The following HEPH variants were observed in gnomAD, a reference collection of about 807,000 sequenced individuals.
The protein encoded by HEPH is hephaestin.
A neutral mutation model predicts 80.8 loss-of-function variants in HEPH; 69 were observed. That is an observed-to-expected ratio of 0.85 (90% CI 0.70 to 1.04). The LOEUF (loss-of-function observed/expected upper bound fraction) is 1.04. Ranked by LOEUF, HEPH falls within the 50% of genes least tolerant of loss-of-function variation. HEPH has a pLI of 0.00. For missense variants in HEPH, 1,115 were observed against 891.3 expected (o/e 1.25, Z -3.20); for synonymous variants, 431 against 322.8 (o/e 1.34, Z -3.60).
chrX:66,260,152 A>C lies in HEPH; in HGVS notation c.3089A>C (p.Glu1030Ala), dbSNP rs374976135. The C allele has an allele frequency of 5.8e-6, 7 of 1,204,474 alleles. No individual in the cohort carries two copies. The Middle Eastern group carries it at 9.2e-4, about 159-fold the overall frequency. The change falls in exon 19 of 21, where the codon GAG becomes GCG. Residue 1030 changes from glutamate (E) to alanine (A), a missense_variant. This residue lies in a region of HEPH where 716 missense variants were observed against 523.5 expected (regional missense o/e 1.37). Transcript: ENST00000343002. Reference sequence around the variant, plus strand: ...GTGGATCTGTTCCCAGGGACTTTTGAGGTTGTGGAGATGGTGGCCAGCAAC... The same window carrying C: ...GTGGATCTGTTCCCAGGGACTTTTGCGGTTGTGGAGATGGTGGCCAGCAAC... ...DVVDLFPGTFEVVEMVASNPG... is the reference protein window; with the variant it reads ...DVVDLFPGTFAVVEMVASNPG...
At chrX:66,263,616 A>G (rs1334674000) in intron 19 of HEPH, 28 bp from the exon 20 acceptor site, 1 of 1,206,422 alleles carries the variant, frequency 8.3e-7, no homozygotes, top group Admixed American at 2.2e-5. Flanking sequence ...AATAAGGCTA[A>G]CCTCTTGTCT....
Position 66,264,805 on chromosome X carries a change from A to T in HEPH, c.3244+1117A>T, listed in dbSNP as rs1264832865. ...AGCAACTAAATTATTTTATATATATATTATATATATATATTTTTATATATA... is the reference window on the plus strand; with the variant it reads ...AGCAACTAAATTATTTTATATATATTTTATATATATATATTTTTATATATA... On this transcript the variant is annotated intron_variant, in intron 20 of 20. Transcript: ENST00000343002. 5.7e-5 allele frequency among the ~76,000 whole-genome samples: 6 copies of T among 105,256 alleles called. No homozygotes were observed. The East Asian group carries it at 8.6e-4, about 15-fold the overall frequency. 91.4% of individuals were successfully genotyped at this position (105,256 alleles called of 115,157 possible).
intron 15 of HEPH, among the ~76,000 whole-genome samples, chrX:66,212,198 TTTC>T (rs1432485893): frequency 7.6e-5 from 8 of 105,336 alleles, no homozygotes; most frequent in African/African-American, 2.9e-4. Context: ...TTTTTTTTTT[TTTC>T]CTCTTAACTT....
chrX:66,205,128 A>G (rs1192221529), intron 13 of HEPH, among the ~76,000 whole-genome samples: 2 of 111,057 alleles, frequency 1.8e-5, no homozygotes, highest in Admixed American at 1.9e-4. Context: ...CTTTTAATTA[A>G]TTTCAACTTT....
intron 15 of HEPH, among the ~76,000 whole-genome samples, chrX:66,240,717 A>C (rs768920315): frequency 8.9e-6 from 1 of 112,355 alleles, no homozygotes; most frequent in East Asian, 2.8e-4. Flanking sequence ...AAGAAAAAAT[A>C]GTTTACTCAG....
chrX:66,186,664 G>T (rs1419247253), intron 4 of HEPH, among the ~76,000 whole-genome samples: 1 of 111,756 alleles, frequency 8.9e-6, no homozygotes, highest in African/African-American at 3.3e-5. Context: ...CCCGTCTTCT[G>T]CGTCGCTCAC....
chrX:66,257,940 G>A (rs946184317), intron 17 of HEPH, among the ~76,000 whole-genome samples: 4 of 111,999 alleles, frequency 3.6e-5, no homozygotes, highest in African/African-American at 1.3e-4. Context: ...TTGGAGCATA[G>A]GATGTGGCCT....
At chrX:66,187,321 A>G in intron 4 of HEPH, among the ~76,000 whole-genome samples, 1 of 110,299 alleles carries the variant, frequency 9.1e-6, no homozygotes, top group Non-Finnish European at 1.9e-5. Flanking sequence ...TTGGGGTGTT[A>G]AAGAACCTTG....
chrX:66,221,362 T>C (rs1346759422), intron 15 of HEPH, among the ~76,000 whole-genome samples: 1 of 112,678 alleles, frequency 8.9e-6, no homozygotes, highest in Non-Finnish European at 1.9e-5. Context: ...TCAATGGTTA[T>C]GTGGAGATTT....
chrX:66,188,691 A>T (rs1378662024), intron 5 of HEPH, 150 bp downstream of exon 5: 2 of 452,976 alleles, frequency 4.4e-6, no homozygotes, highest in African/African-American at 2.5e-5. Context: ...CCTGTTTTAC[A>T]TGTGAGGACA....
intron 15 of HEPH, among the ~76,000 whole-genome samples, chrX:66,254,596 A>G (rs1024076546): frequency 2.7e-5 from 3 of 110,678 alleles, no homozygotes; most frequent in African/African-American, 9.9e-5. Flanking sequence ...CGATGCACAG[A>G]TCATAGTTGA....
intron 4 of HEPH, among the ~76,000 whole-genome samples, chrX:66,182,087 G>A (rs1358185999): frequency 3.3e-4 from 34 of 101,982 alleles, no homozygotes; most frequent in Non-Finnish European, 5.8e-4. Context: ...GTACCATGCT[G>A]TTTTGGTTAC....
intron 1 of HEPH, 114 bp downstream of exon 1, chrX:66,164,584 CA>C: frequency 9.8e-6 from 5 of 509,241 alleles, no homozygotes; most frequent in Non-Finnish European, 1.2e-5. Flanking sequence ...AGTCAGTGGC[CA>C]AAAAGTTGGA....
intron 20 of HEPH, among the ~76,000 whole-genome samples, chrX:66,264,347 A>G (rs1038434226): frequency 9.3e-6 from 1 of 108,070 alleles, no homozygotes; most frequent in Non-Finnish European, 1.9e-5. Flanking sequence ...TAGCACAAAT[A>G]TGAATCCCCC....
intron 12 of HEPH, among the ~76,000 whole-genome samples, chrX:66,202,912 CATATATAT>C (rs759619010): frequency 3.7e-5 from 3 of 81,806 alleles, no homozygotes; most frequent in South Asian, 6.0e-4. Context: ...TTTATGTGTG[CATATATAT>C]ATATATATAT....
intron 15 of HEPH, among the ~76,000 whole-genome samples, chrX:66,252,164 A>G: frequency 8.9e-6 from 1 of 112,148 alleles, no homozygotes; most frequent in Middle Eastern, 4.6e-3. Context: ...GATAATAATC[A>G]AAGATAACTC....
chrX:66,212,499 G>A, intron 15 of HEPH, among the ~76,000 whole-genome samples: 1 of 111,529 alleles, frequency 9.0e-6, no homozygotes, highest in East Asian at 2.8e-4. Context: ...TGTATATGGT[G>A]AGAGATATAG....
rs748303464 is a variant in HEPH at position 66,197,878 on chromosome X, G to C, written c.1697G>C (p.Gly566Ala). 2 of 1,199,731 alleles carry C rather than the reference G, an allele frequency of 1.7e-6. No individual in the cohort carries two copies. The highest frequency in any genetic ancestry group is 4.5e-5 in the Admixed American group (2 of 44,734). ...CTGGTGTGCAGGGCTGGTGCCTTGG[G>C]TGCAGATGGCAAGCAGGTATTGTCA... is the stretch of plus-strand genomic sequence containing the variant. ...PLLVCRAGAL[G>A]ADGKQKGVDK... The change falls in exon 10 of 21, where the codon GGT (glycine) becomes GCT (alanine). Residue 566 changes from glycine (G) to alanine (A), a missense_variant. By Grantham distance (60) the Gly-to-Ala change is moderately conservative. Transcript: ENST00000343002.
At position 66,255,054 on chromosome X, in the gene HEPH, G is replaced by T; in HGVS notation, c.2583G>T (p.Gln861His). 1.7e-6 allele frequency: 2 copies of T among 1,204,449 alleles called. No individual in the cohort carries two copies. Among genetic ancestry groups the T allele is most frequent in the Non-Finnish European group, 1.1e-6 (1 of 890,678 alleles). ...AAEPGEVVTY[Q>H]WNIPERSGPG... is the part of the protein sequence containing the mutation. ...TTCTAGGTGAGGTGGTCACTTATCAGTGGAACATCCCAGAGAGGTCTGGCC... is the reference window on the plus strand; with the variant it reads ...TTCTAGGTGAGGTGGTCACTTATCATTGGAACATCCCAGAGAGGTCTGGCC... Residue 861 changes from glutamine to histidine, a missense_variant, in exon 16 of 21, where the codon CAG becomes CAT. By Grantham distance (24) the Gln-to-His change is conservative. Transcript: ENST00000343002.
Sources: allele counts gnomAD v4.1 joint callset (sites outside exome capture counted in the v4.1 genomes callset), GRCh38; gene constraint gnomAD v4.1.1; regional missense constraint gnomAD v4.1.1; transcripts MANE v1.5; gene names NCBI Gene and HGNC (gene_info 2026-07-23, HGNC 2026-07-21).